Variants in GRM7 observed in about 807,000 individuals in gnomAD.
GRM7 encodes glutamate metabotropic receptor 7, also known as metabotropic glutamate receptor 7.
GRM7 carries 35 observed loss-of-function variants against 84.5 expected under a neutral mutation model. The observed-to-expected ratio is 0.41, with a 90% confidence interval of 0.32 to 0.55. GRM7 has a LOEUF of 0.55. GRM7 is among the 20% of genes least tolerant of loss of function. The pLI is 0.19. For missense variants in GRM7, 1,003 were observed against 1,194.6 expected (o/e 0.84, Z 2.36); for synonymous variants, 487 against 455.1 (o/e 1.07, Z -0.89).
At chr3:7,148,298 G>A (rs6793215) in intron 2 of GRM7, among the ~76,000 whole-genome samples, 92,605 of 152,070 alleles carry the variant, frequency 0.61, 30,626 homozygotes, top group African/African-American at 0.88. Context: ...GGATAGAATT[G>A]AATAGATAAA....
At chr3:7,297,332 G>A (rs1699849047) in intron 2 of GRM7, among the ~76,000 whole-genome samples, 1 of 151,980 alleles carries the variant, frequency 6.6e-6, no homozygotes, top group Admixed American at 6.6e-5. Flanking sequence ...TTTCTACTTT[G>A]ATTCTGTTAT....
chr3:7,024,035 G>A (rs1695881813), intron 1 of GRM7, among the ~76,000 whole-genome samples: 1 of 152,138 alleles, frequency 6.6e-6, no homozygotes, highest in Admixed American at 6.5e-5. Flanking sequence ...CAGGGCAGCA[G>A]GCCCACTCCC....
At chr3:6,986,539 T>C (rs555435170) in intron 1 of GRM7, among the ~76,000 whole-genome samples, 1 of 152,348 alleles carries the variant, frequency 6.6e-6, no homozygotes, top group Admixed American at 6.5e-5. Context: ...CTGTTAATGC[T>C]CATACGTGGT....
chr3:7,074,303 C>T (rs1671726088), intron 1 of GRM7, among the ~76,000 whole-genome samples: 1 of 152,052 alleles, frequency 6.6e-6, no homozygotes, highest in African/African-American at 2.4e-5. Context: ...ACCCTGTAAG[C>T]ATCAACACAG....
chr3:7,313,008 A>C (rs957409817), intron 4 of GRM7, among the ~76,000 whole-genome samples: 2 of 141,878 alleles, frequency 1.4e-5, no homozygotes, highest in African/African-American at 5.3e-5. Context: ...GGCTCACTGC[A>C]CCCTCCATCT....
chr3:7,292,337 A>G (rs191301119), intron 2 of GRM7, among the ~76,000 whole-genome samples: 4 of 152,258 alleles, frequency 2.6e-5, no homozygotes, highest in Admixed American at 2.0e-4. Flanking sequence ...ATCTCCTTTT[A>G]TAATATGTAT....
chr3:7,357,063 A>T (rs911160018), intron 4 of GRM7, among the ~76,000 whole-genome samples: 5 of 150,208 alleles, frequency 3.3e-5, no homozygotes, highest in African/African-American at 1.2e-4. Context: ...TCATATATAT[A>T]ATATTGTTTC....
chr3:7,711,589 G>GT (rs1559501033), intron 9 of GRM7, among the ~76,000 whole-genome samples: 2 of 152,188 alleles, frequency 1.3e-5, no homozygotes, highest in African/African-American at 4.8e-5. Flanking sequence ...TCTAACTCCC[G>GT]TTATAGCATT....
chr3:7,001,183 A>G (rs936353077), intron 1 of GRM7, among the ~76,000 whole-genome samples: 3 of 152,066 alleles, frequency 2.0e-5, no homozygotes, highest in Non-Finnish European at 4.4e-5. Context: ...CCATATCCAC[A>G]AAAAGATTTT....
chr3:7,546,802 A>C (rs2125020818), intron 7 of GRM7, among the ~76,000 whole-genome samples: 1 of 152,260 alleles, frequency 6.6e-6, no homozygotes, highest in South Asian at 2.1e-4. Context: ...TTCCTGCTTT[A>C]ATAAATCGTG....
chr3:6,874,693 T>C (rs559737585), intron 1 of GRM7, among the ~76,000 whole-genome samples: 7 of 152,300 alleles, frequency 4.6e-5, no homozygotes, highest in Admixed American at 1.3e-4. Flanking sequence ...TATTATACTA[T>C]ATCCTGGTAA....
At chr3:6,963,287 T>G (rs1426233330) in intron 1 of GRM7, among the ~76,000 whole-genome samples, 1 of 152,176 alleles carries the variant, frequency 6.6e-6, no homozygotes, top group African/African-American at 2.4e-5. Context: ...GGGCTGACAT[T>G]TTGCATTCTT....
At chr3:7,159,983 G>A (rs552831736) in intron 2 of GRM7, among the ~76,000 whole-genome samples, 2 of 152,276 alleles carry the variant, frequency 1.3e-5, no homozygotes, top group Non-Finnish European at 2.9e-5. Flanking sequence ...TGAAAAGCAT[G>A]AAAAGATTAA....
intron 7 of GRM7, among the ~76,000 whole-genome samples, chr3:7,515,659 G>A (rs1029873993): frequency 6.6e-6 from 1 of 152,134 alleles, no homozygotes; most frequent in African/African-American, 2.4e-5. Context: ...TTAGGGTATA[G>A]CAAAGGAAGG....
chr3:7,135,700 C>G (rs1343746071), intron 1 of GRM7, among the ~76,000 whole-genome samples: 1 of 151,262 alleles, frequency 6.6e-6, no homozygotes, highest in Non-Finnish European at 1.5e-5. Context: ...AAAAAATATA[C>G]TGAGAAAGAA....
At chr3:7,051,936 C>T (rs1001784798) in intron 1 of GRM7, among the ~76,000 whole-genome samples, 7 of 151,620 alleles carry the variant, frequency 4.6e-5, no homozygotes, top group East Asian at 1.9e-4. Context: ...ATTCTTTTAG[C>T]TGTAAAATAT....
intron 7 of GRM7, among the ~76,000 whole-genome samples, chr3:7,530,058 A>G (rs1188308013): frequency 1.3e-5 from 2 of 151,852 alleles, no homozygotes; most frequent in East Asian, 1.9e-4. Context: ...TGTCATCTAC[A>G]TTAGGTATTT....
At chr3:7,682,336 CAAAAAAAAAAAAA>C (rs905940773) in intron 9 of GRM7, 8 of 51,098 alleles carry the variant, frequency 1.6e-4, no homozygotes, top group Admixed American at 9.0e-4. Flanking sequence ...AACTCCATCT[CAAAAAAAAAAAAA>C]AAAAAAAGAA....
intron 4 of GRM7, among the ~76,000 whole-genome samples, chr3:7,388,807 A>G (rs1694883568): frequency 1.3e-5 from 2 of 151,992 alleles, no homozygotes; most frequent in Admixed American, 1.3e-4. Context: ...TAATCAGGCT[A>G]TCAATCTTGT....
Sources: allele counts gnomAD v4.1 joint callset (sites outside exome capture counted in the v4.1 genomes callset), GRCh38; gene constraint gnomAD v4.1.1; transcripts MANE v1.5; gene names NCBI Gene and HGNC (gene_info 2026-07-23, HGNC 2026-07-21).